Variants in SPHKAP observed in about 807,000 individuals in gnomAD.
SPHKAP encodes SPHK1 interactor, AKAP domain containing.
Under a neutral mutation model 137.5 loss-of-function variants are expected in SPHKAP, and 67 were observed. The observed-to-expected ratio is 0.49, with a 90% CI of 0.40 to 0.60. The LOEUF (loss-of-function observed/expected upper bound fraction) is 0.60, where lower values mean the gene tolerates loss of function less well. Ranked by LOEUF, SPHKAP falls within the 20% of genes least tolerant of loss-of-function variation. The probability of loss-of-function intolerance (pLI) is 0.00; values close to 1 mark genes in which losing one functional copy is unlikely to be tolerated. For missense variants in SPHKAP, 2,097 were observed against 2,069.3 expected (o/e 1.01, Z -0.26); for synonymous variants, 813 against 785.3 (o/e 1.04, Z -0.59).
At chr2:228,117,301 A>G (rs1698744071) in intron 2 of SPHKAP, among the ~76,000 whole-genome samples, 1 of 152,110 alleles carries the variant, frequency 6.6e-6, no homozygotes, top group African/African-American at 2.4e-5. Flanking sequence ...TGAGACACAA[A>G]TTATTAATGA....
intron 1 of SPHKAP, among the ~76,000 whole-genome samples, chr2:228,177,974 G>A (rs530719291): frequency 6.6e-6 from 1 of 152,240 alleles, no homozygotes; most frequent in African/African-American, 2.4e-5. Context: ...TTAGAAAACA[G>A]GGAACTCTCT....
chr2:228,113,001 G>C (rs1043930410), intron 2 of SPHKAP, among the ~76,000 whole-genome samples: 8 of 152,106 alleles, frequency 5.3e-5, no homozygotes, highest in African/African-American at 1.9e-4. Context: ...AACGGAAGCA[G>C]CAGAATAAGG....
At chr2:228,064,324 A>T (rs1452286151) in intron 3 of SPHKAP, among the ~76,000 whole-genome samples, 1 of 152,248 alleles carries the variant, frequency 6.6e-6, no homozygotes, top group African/African-American at 2.4e-5. Context: ...CATTGTAAAT[A>T]GAAATATTAA....
At chr2:228,011,761 T>A (rs1360639359) in intron 7 of SPHKAP, among the ~76,000 whole-genome samples, 2 of 152,216 alleles carry the variant, frequency 1.3e-5, no homozygotes, top group African/African-American at 4.8e-5. Context: ...GATGTTTTCA[T>A]ATAGTTTTAC....
At chr2:228,013,287 C>T (rs1370262688) in intron 7 of SPHKAP, among the ~76,000 whole-genome samples, 4 of 152,198 alleles carry the variant, frequency 2.6e-5, no homozygotes, top group East Asian at 3.9e-4. Context: ...AGTCTTGCCC[C>T]GTCACCCAGG....
chr2:228,010,281 T>G (rs1694316782), intron 7 of SPHKAP, among the ~76,000 whole-genome samples: 1 of 152,100 alleles, frequency 6.6e-6, no homozygotes, highest in Non-Finnish European at 1.5e-5. Flanking sequence ...AATCGCAGCA[T>G]TTTGGGAGGC....
intron 7 of SPHKAP, among the ~76,000 whole-genome samples, chr2:228,000,494 T>G (rs1693814643): frequency 1.3e-5 from 2 of 152,010 alleles, no homozygotes; most frequent in African/African-American, 2.4e-5. Flanking sequence ...GGTGGGCGCC[T>G]GTAGTCCCAG....
chr2:228,173,556 C>T (rs1479683753), intron 1 of SPHKAP, among the ~76,000 whole-genome samples: 1 of 152,088 alleles, frequency 6.6e-6, no homozygotes, highest in Non-Finnish European at 1.5e-5. Flanking sequence ...ACTCAACCCT[C>T]CATTGCTAGC....
chr2:228,108,428 A>G (rs1698410551), intron 3 of SPHKAP, among the ~76,000 whole-genome samples: 1 of 152,108 alleles, frequency 6.6e-6, no homozygotes, highest in Admixed American at 6.6e-5. Flanking sequence ...TAATGACTGT[A>G]ACATATAAGA....
At chr2:228,123,059 C>G (rs546896969) in intron 2 of SPHKAP, among the ~76,000 whole-genome samples, 1 of 152,098 alleles carries the variant, frequency 6.6e-6, no homozygotes, top group Non-Finnish European at 1.5e-5. Flanking sequence ...CATCCACTAC[C>G]CCTACACTGG....
intron 9 of SPHKAP, among the ~76,000 whole-genome samples, chr2:227,992,357 T>C (rs1693444802): frequency 6.6e-6 from 1 of 152,232 alleles, no homozygotes; most frequent in South Asian, 2.1e-4. Flanking sequence ...TCTAGATCTC[T>C]ATGCAAGTGA....
chr2:228,142,773 A>C (rs1699646567), intron 1 of SPHKAP, among the ~76,000 whole-genome samples: 1 of 152,196 alleles, frequency 6.6e-6, no homozygotes, highest in Admixed American at 6.5e-5. Flanking sequence ...CTGAGTGATG[A>C]AATAATCTGT....
intron 2 of SPHKAP, among the ~76,000 whole-genome samples, chr2:228,119,471 A>ACACG (rs974795452): frequency 6.7e-6 from 1 of 148,462 alleles, no homozygotes; most frequent in Non-Finnish European, 1.5e-5. Flanking sequence ...ACACACACAC[A>ACACG]CTCTCTCTCT....
At position 227,981,223 on chromosome 2, in the gene SPHKAP, T is replaced by C. The variant is rs1480687706; in HGVS notation, c.*494A>G. ...AAAGTGGAAATCTTTTGTATAAAAG[T>C]CTGGGGATTTCTCACCCATATCTTA... On this transcript the variant is annotated 3_prime_UTR_variant, in exon 12 of 12. Transcript: ENST00000392056. 10 of 152,432 alleles carry C rather than the reference T, an allele frequency of 6.6e-5. No homozygotes were observed. The East Asian group carries it at 1.9e-3, about 29-fold the overall frequency. The allele number at this position is 152,432 out of a possible 1,614,324, so 9.4% of individuals were successfully genotyped here.
At chr2:228,126,435 G>A (rs1699078026) in intron 2 of SPHKAP, among the ~76,000 whole-genome samples, 1 of 152,148 alleles carries the variant, frequency 6.6e-6, no homozygotes, top group Admixed American at 6.5e-5. Context: ...TCAGTTAAGG[G>A]AGGGGGTAAT....
Position 228,027,484 on chromosome 2 carries a change from C to T in SPHKAP, c.306G>A (p.Gln102=). 6.2e-7 allele frequency: 1 copy of T among 1,613,868 alleles called. No homozygotes were observed. Residue 102 remains glutamine, a splice_region_variant and synonymous_variant, in exon 4 of 12, where the codon CAG becomes CAA. Coordinates refer to ENST00000392056, the MANE Select transcript of SPHKAP (RefSeq NM_001142644.2). ...GGTCAGCTTGAGTTTCAAATGTTAC[C>T]TGTTGCAGGTGCTCTGTGCTGCATT... ...KDECSTEHLQ[Q]KLVNVSPDLP...
chr2:228,004,656 C>T (rs1301885033), intron 7 of SPHKAP, among the ~76,000 whole-genome samples: 1 of 152,066 alleles, frequency 6.6e-6, no homozygotes, highest in African/African-American at 2.4e-5. Context: ...GTTAGGGTGT[C>T]AATTTTAGGT....
intron 1 of SPHKAP, among the ~76,000 whole-genome samples, chr2:228,175,130 A>G (rs1311035319): frequency 6.6e-6 from 1 of 152,040 alleles, no homozygotes; most frequent in Non-Finnish European, 1.5e-5. Flanking sequence ...GAAAAGCAGA[A>G]CAGGATAGGA....
intron 3 of SPHKAP, among the ~76,000 whole-genome samples, chr2:228,061,186 G>C (rs908827624): frequency 6.6e-6 from 1 of 152,180 alleles, no homozygotes; most frequent in Non-Finnish European, 1.5e-5. Context: ...ACAAGTATAC[G>C]TGAGGGATGG....
Sources: allele counts gnomAD v4.1 joint callset (sites outside exome capture counted in the v4.1 genomes callset), GRCh38; gene constraint gnomAD v4.1.1; transcripts MANE v1.5; gene names NCBI Gene and HGNC (gene_info 2026-07-23, HGNC 2026-07-21).